The following FAF1 variants were observed in gnomAD, a reference collection of about 807,000 sequenced individuals.
FAF1 encodes the protein Fas associated factor 1.
A neutral mutation model predicts 92.5 loss-of-function variants in FAF1; 25 were observed. The observed-to-expected ratio is 0.27, with a 90% CI of 0.20 to 0.38. FAF1 has a LOEUF of 0.38. FAF1 is among the 10% of genes least tolerant of loss of function. FAF1 has a pLI of 1.00. For synonymous variants in FAF1, 234 were observed against 273.2 expected, an observed-to-expected ratio of 0.86 and a Z score of 1.42; for missense variants, 636 against 793.3, an observed-to-expected ratio of 0.80 and a Z score of 2.38.
chr1:50,635,154 AAC>A (rs1479586728), intron 8 of FAF1, among the ~76,000 whole-genome samples: 2 of 152,198 alleles, frequency 1.3e-5, no homozygotes, highest in African/African-American at 4.8e-5. Context: ...ACCATTCAAG[AAC>A]ACACAGACAT....
chr1:50,812,955 A>C (rs571437925), intron 2 of FAF1, among the ~76,000 whole-genome samples: 10 of 152,270 alleles, frequency 6.6e-5, no homozygotes, highest in Admixed American at 4.6e-4. Context: ...ATTATCCCAA[A>C]CTAACGCAGG....
chr1:50,648,794 C>T lies in FAF1; in HGVS notation c.744+6648G>A, dbSNP rs376251387. 2.8e-4 allele frequency among the ~76,000 whole-genome samples: 42 copies of T among 152,212 alleles called. 1 individual carries two copies. In the South Asian group the frequency reaches 7.3e-3, roughly 26 times the overall value. ...ATATAAAATCAGCTGGGTGTGGTGGCGCATGCCTGTAATCCCAGCTACTCG... is the reference window on the plus strand; with the variant it reads ...ATATAAAATCAGCTGGGTGTGGTGGTGCATGCCTGTAATCCCAGCTACTCG... On this transcript the variant is annotated intron_variant, in intron 8 of 18. Coordinates refer to ENST00000396153, the MANE Select transcript of FAF1 (RefSeq NM_007051.3).
At chr1:50,701,016 A>T (rs1159594479) in intron 7 of FAF1, among the ~76,000 whole-genome samples, 1 of 152,156 alleles carries the variant, frequency 6.6e-6, no homozygotes, top group Non-Finnish European at 1.5e-5. Flanking sequence ...AACAGATCTC[A>T]GTTTTCAAAT....
At chr1:50,500,321 A>C (rs866310264) in intron 15 of FAF1, among the ~76,000 whole-genome samples, 20 of 152,182 alleles carry the variant, frequency 1.3e-4, no homozygotes, top group African/African-American at 4.8e-4. Context: ...GACAGAAAAA[A>C]AATGGAAAAA....
chr1:50,709,795 A>G (rs959009864), intron 6 of FAF1, among the ~76,000 whole-genome samples: 32 of 152,232 alleles, frequency 2.1e-4, no homozygotes, highest in Non-Finnish European at 2.2e-4. Flanking sequence ...ATTATCTGTA[A>G]TAATACAGGA....
intron 7 of FAF1, among the ~76,000 whole-genome samples, chr1:50,661,516 C>T (rs1017385767): frequency 6.6e-6 from 1 of 152,158 alleles, no homozygotes; most frequent in Non-Finnish European, 1.5e-5. Context: ...CCTGAAACTA[C>T]AGCCATCCAT....
intron 2 of FAF1, among the ~76,000 whole-genome samples, chr1:50,819,278 T>C (rs1644008534): frequency 6.6e-6 from 1 of 151,948 alleles, no homozygotes; most frequent in African/African-American, 2.4e-5. Context: ...ATGATATATA[T>C]GTGTGCCAAA....
At chr1:50,561,302 C>A (rs905357794) in intron 13 of FAF1, among the ~76,000 whole-genome samples, 2 of 152,086 alleles carry the variant, frequency 1.3e-5, no homozygotes, top group African/African-American at 4.8e-5. Flanking sequence ...CCCTACAATG[C>A]CAGCAGAAGA....
At chr1:50,887,826 T>C (rs1040721376) in intron 1 of FAF1, among the ~76,000 whole-genome samples, 7 of 152,228 alleles carry the variant, frequency 4.6e-5, no homozygotes, top group African/African-American at 1.2e-4. Context: ...CCTCCAGCTT[T>C]GTTCTTTTGG....
At chr1:50,565,040 A>C (rs963944801) in intron 13 of FAF1, among the ~76,000 whole-genome samples, 2 of 152,058 alleles carry the variant, frequency 1.3e-5, no homozygotes, top group African/African-American at 2.4e-5. Context: ...GGTTTGTTAC[A>C]TAGGTAAATT....
At chr1:50,527,950 A>T (rs112888808) in intron 15 of FAF1, among the ~76,000 whole-genome samples, 2 of 149,698 alleles carry the variant, frequency 1.3e-5, no homozygotes, top group African/African-American at 4.9e-5. Flanking sequence ...AGCTCACTGC[A>T]GCCTTGACCT....
intron 2 of FAF1, among the ~76,000 whole-genome samples, chr1:50,850,206 G>C (rs1393447649): frequency 1.3e-5 from 2 of 151,956 alleles, no homozygotes. Flanking sequence ...AAAAAACTTA[G>C]AGGTAGAAAT....
chr1:50,594,800 G>A (rs1651713595), intron 9 of FAF1, among the ~76,000 whole-genome samples: 2 of 150,742 alleles, frequency 1.3e-5, no homozygotes, highest in African/African-American at 4.9e-5. Context: ...GAACCTGGGA[G>A]GTGGAGGTTG....
chr1:50,500,247 T>C (rs979066636), intron 15 of FAF1, among the ~76,000 whole-genome samples: 1 of 152,168 alleles, frequency 6.6e-6, no homozygotes, highest in South Asian at 2.1e-4. Context: ...GGACTTATAC[T>C]ACTTGATTTC....
chr1:50,672,108 C>T (rs1057422737), intron 7 of FAF1, among the ~76,000 whole-genome samples: 40 of 151,222 alleles, frequency 2.6e-4, no homozygotes, highest in African/African-American at 6.6e-4. Flanking sequence ...TACAGTGGCG[C>T]GATCTCAGCT....
In FAF1 at chr1:50,682,259, G is replaced by A. The variant is rs1656458962; in HGVS notation, c.657+23527C>T. ...TCACATCAGTAATCTCTGCACTTTGGGAGGCCAAGGTGGGCCCATCGCTTG... is the reference window on the plus strand; with the variant it reads ...TCACATCAGTAATCTCTGCACTTTGAGAGGCCAAGGTGGGCCCATCGCTTG... On this transcript the variant is annotated intron_variant, in intron 7 of 18. Coordinates refer to ENST00000396153, the MANE Select transcript of FAF1 (RefSeq NM_007051.3). Among the ~76,000 whole-genome samples, 3 of 152,036 alleles carry A rather than the reference G, an allele frequency of 2.0e-5. No homozygotes were observed. In the South Asian group the frequency reaches 6.2e-4, roughly 32 times the overall value.
At chr1:50,500,678 TATTTTCTCCTAAAGACAATTGAAAATG>T (rs1646972989) in intron 15 of FAF1, among the ~76,000 whole-genome samples, 1 of 152,154 alleles carries the variant, frequency 6.6e-6, no homozygotes, top group Non-Finnish European at 1.5e-5. Context: ...ATTTTAAACT[TATTTTCTCCTAAAGACAATTGAAAATG>T]ATATTGAGTG....
intron 5 of FAF1, among the ~76,000 whole-genome samples, chr1:50,740,931 T>C (rs529097748): frequency 6.6e-6 from 1 of 152,362 alleles, no homozygotes; most frequent in Admixed American, 6.5e-5. Context: ...ATCATTATTG[T>C]TCTTTTTCCA....
intron 1 of FAF1, among the ~76,000 whole-genome samples, chr1:50,905,977 G>A (rs890807356): frequency 2.6e-5 from 4 of 152,146 alleles, no homozygotes; most frequent in Admixed American, 6.6e-5. Flanking sequence ...GAATGGTATT[G>A]CCTACGTTTT....
Sources: allele counts gnomAD v4.1 joint callset (sites outside exome capture counted in the v4.1 genomes callset), GRCh38; gene constraint gnomAD v4.1.1; transcripts MANE v1.5; gene names NCBI Gene and HGNC (gene_info 2026-07-23, HGNC 2026-07-21).